Variants in IRAK2 observed in about 807,000 individuals in gnomAD.
IRAK2 encodes interleukin-1 receptor-associated kinase-like 2.
In IRAK2, 57 loss-of-function variants were observed where a neutral mutation model predicts 72.0. That is an observed-to-expected ratio of 0.79 (90% CI 0.64 to 0.99). IRAK2 has a LOEUF of 0.99. Among genes scored for constraint, IRAK2 ranks in the 50% least tolerant of loss-of-function variants. The pLI, the probability that IRAK2 is intolerant of heterozygous loss-of-function variation, is 0.00. For missense variants in IRAK2, 790 were observed against 794.4 expected (o/e 0.99, Z 0.07); for synonymous variants, 293 against 312.7 (o/e 0.94, Z 0.67).
At chr3:10,211,044 G>A (rs1221333439) in intron 4 of IRAK2, among the ~76,000 whole-genome samples, 1 of 151,732 alleles carries the variant, frequency 6.6e-6, no homozygotes, top group Non-Finnish European at 1.5e-5. Flanking sequence ...TGTATTTTTA[G>A]TGGAGACAGG....
intron 10 of IRAK2, among the ~76,000 whole-genome samples, chr3:10,228,453 C>G (rs901572917): frequency 6.6e-6 from 1 of 152,122 alleles, no homozygotes; most frequent in African/African-American, 2.4e-5. Context: ...GGGGCAGTTT[C>G]TCATCTCCTG....
chr3:10,169,519 C>G (rs1377941062), intron 1 of IRAK2, among the ~76,000 whole-genome samples: 2 of 152,166 alleles, frequency 1.3e-5, no homozygotes, highest in African/African-American at 4.8e-5. Flanking sequence ...ATTTCTCCTA[C>G]TCACACGTCC....
At chr3:10,213,103 T>C in intron 4 of IRAK2, 104 bp from the exon 5 acceptor site, 2 of 951,714 alleles carry the variant, frequency 2.1e-6, no homozygotes, top group Non-Finnish European at 3.2e-6. Flanking sequence ...ATTGGATAAG[T>C]TGATCCCCTC....
chr3:10,206,766 G>C (rs1697439511), intron 3 of IRAK2, among the ~76,000 whole-genome samples: 1 of 152,114 alleles, frequency 6.6e-6, no homozygotes, highest in Admixed American at 6.5e-5. Flanking sequence ...ATGTTGACCA[G>C]ACTGGTCTCG....
At chr3:10,216,797 T>G (rs1249747345) in intron 6 of IRAK2, 137 bp from the exon 7 acceptor site, 2 of 662,240 alleles carry the variant, frequency 3.0e-6, no homozygotes, top group Non-Finnish European at 5.4e-6. Flanking sequence ...GCCAGGCCCT[T>G]AGGGGTCAGA....
chr3:10,174,173 G>A (rs1161047897), intron 1 of IRAK2, among the ~76,000 whole-genome samples: 1 of 152,286 alleles, frequency 6.6e-6, no homozygotes, highest in African/African-American at 2.4e-5. Flanking sequence ...AGAAGCAGCC[G>A]CTGACCCAGC....
intron 3 of IRAK2, among the ~76,000 whole-genome samples, chr3:10,204,947 TC>T (rs1170163661): frequency 1.3e-5 from 2 of 152,080 alleles, no homozygotes; most frequent in Non-Finnish European, 2.9e-5. Flanking sequence ...CCAACAAGTA[TC>T]CCATCTTGTT....
At chr3:10,241,546 G>A (rs1698060630) in intron 12 of IRAK2, among the ~76,000 whole-genome samples, 2 of 120,338 alleles carry the variant, frequency 1.7e-5, no homozygotes, top group South Asian at 7.0e-4. Context: ...GCAACAGAGT[G>A]AGACTCCATC....
chr3:10,241,636 C>T (rs1698062626), intron 12 of IRAK2, among the ~76,000 whole-genome samples: 1 of 150,830 alleles, frequency 6.6e-6, no homozygotes, highest in African/African-American at 2.4e-5. Context: ...GTGGCTCACG[C>T]CTGTCTGTAA....
rs1168082096 is a variant in IRAK2 at position 10,234,462 on chromosome 3, G to A, written c.1276G>A (p.Asp426Asn). 1 of 1,613,868 alleles carries A rather than the reference G, an allele frequency of 6.2e-7. No homozygotes were observed. The highest frequency in any genetic ancestry group is 1.3e-5 in the African/African-American group (1 of 74,920). Residue 426 changes from aspartate to asparagine, a missense_variant, in exon 11 of 13, where the codon GAC becomes AAC. By Grantham distance (23) the Asp-to-Asn change is conservative (BLOSUM62 1). Coordinates refer to ENST00000256458, the MANE Select transcript of IRAK2 (RefSeq NM_001570.4). Reference sequence around the variant, plus strand: ...GTTTCTACCCTTCTTCCCACAGAAGGACTTACTCCTCAGTGATATTCCAAG... The same window carrying A: ...GTTTCTACCCTTCTTCCCACAGAAGAACTTACTCCTCAGTGATATTCCAAG... ...DNNRSPVYLK[D>N]LLLSDIPSST... is the part of the protein sequence containing the mutation.
chr3:10,219,047 A>T (rs1697646935), intron 7 of IRAK2, among the ~76,000 whole-genome samples: 1 of 152,092 alleles, frequency 6.6e-6, no homozygotes, highest in Non-Finnish European at 1.5e-5. Context: ...AAAATACAAA[A>T]ATTAGTTGAG....
At chr3:10,184,509 T>C (rs555326161) in intron 2 of IRAK2, among the ~76,000 whole-genome samples, 2 of 151,934 alleles carry the variant, frequency 1.3e-5, no homozygotes, top group African/African-American at 4.9e-5. Flanking sequence ...ATGGCCCCAG[T>C]GACCCAGGGC....
rs147790192 is a variant in IRAK2, at chr3:10,200,376, G to T, written c.285G>T (p.Pro95=). Residue 95 remains proline (P), a synonymous_variant, in exon 3 of 13, where the codon CCG becomes CCT. Coordinates refer to ENST00000256458, the MANE Select transcript of IRAK2 (RefSeq NM_001570.4). ...TTTCCACCTTGTTTTCAGGGAAACC[G>T]GCTCCTGAAATCAGGTGTCCCATTC... ...RAAQIILNWK[P]APEIRCPIPA... 2 of 1,582,854 alleles carry T rather than the reference G, an allele frequency of 1.3e-6. No homozygotes were observed. The highest frequency in any genetic ancestry group is 1.7e-6 in the Non-Finnish European group (2 of 1,161,086).
intron 11 of IRAK2, 62 bp downstream of exon 11, chr3:10,234,721 C>A: frequency 6.9e-7 from 1 of 1,447,512 alleles, no homozygotes; most frequent in Non-Finnish European, 9.6e-7. Flanking sequence ...TCATCGGGGA[C>A]GGCCCCTTCG....
intron 1 of IRAK2, among the ~76,000 whole-genome samples, chr3:10,165,455 T>G (rs1014335386): frequency 5.3e-5 from 8 of 151,028 alleles, no homozygotes; most frequent in African/African-American, 2.0e-4. Flanking sequence ...GTGTGTGTGG[T>G]GTGTTTAGTT....
chr3:10,191,418 A>G (rs1697174335), intron 2 of IRAK2, among the ~76,000 whole-genome samples: 1 of 152,208 alleles, frequency 6.6e-6, no homozygotes, highest in African/African-American at 2.4e-5. Flanking sequence ...AGGTTACCTC[A>G]GTTCCAGGGC....
At chr3:10,222,590 TATCCAGCTCAAAATGAGAA>T in intron 8 of IRAK2, 27 bp from the exon 9 acceptor site, 1 of 1,532,308 alleles carries the variant, frequency 6.5e-7, no homozygotes, top group Non-Finnish European at 9.0e-7. Flanking sequence ...AACTTGTTGT[TATCCAGCTCAAAATGAGAA>T]GGTTCCCTCT....
chr3:10,202,869 T>G (rs2125152454), intron 3 of IRAK2, among the ~76,000 whole-genome samples: 1 of 152,186 alleles, frequency 6.6e-6, no homozygotes, highest in Non-Finnish European at 1.5e-5. Context: ...TTTTTTATTT[T>G]TGTAAAGATG....
chr3:10,200,610 A>C (rs551126978), intron 3 of IRAK2, 95 bp downstream of exon 3: 1 of 1,109,872 alleles, frequency 9.0e-7, no homozygotes, highest in African/African-American at 1.6e-5. Flanking sequence ...TAAGAGCAAA[A>C]AATTGAGGCT....
Sources: gnomAD v4.1 joint callset for allele counts (sites outside exome capture counted in the v4.1 genomes callset) on GRCh38, gnomAD v4.1.1 for gene constraint, MANE v1.5 for transcripts, NCBI Gene and HGNC (gene_info 2026-07-23, HGNC 2026-07-21) for gene names.